ILDR1: variants seen among roughly 807,000 people sequenced by gnomAD.
The protein encoded by ILDR1 is immunoglobulin like domain containing receptor 1.
ILDR1 carries 56 observed loss-of-function variants against 62.4 expected under a neutral mutation model. The ratio of observed to expected loss-of-function variants is 0.90; its 90% confidence interval spans 0.72 to 1.12. ILDR1 has a LOEUF of 1.12. ILDR1 is among the 50% of genes most tolerant of loss of function. The pLI, the probability that ILDR1 is intolerant of heterozygous loss-of-function variation, is 0.00. For missense variants in ILDR1, 736 were observed against 710.6 expected (o/e 1.04, Z -0.41); for synonymous variants, 284 against 277.8 (o/e 1.02, Z -0.22).
chr3:122,059,408 G>A, the ILDR1 span, among the ~76,000 whole-genome samples: 10 of 151,736 alleles, frequency 6.6e-5, no homozygotes, highest in African/African-American at 2.2e-4. Flanking sequence ...AAATCAAGTG[G>A]GCCTGTAGTC....
At chr3:122,019,493 A>G (rs2071826932) in intron 1 of ILDR1, among the ~76,000 whole-genome samples, 1 of 152,184 alleles carries the variant, frequency 6.6e-6, no homozygotes, top group African/African-American at 2.4e-5. Flanking sequence ...AGGAAGCTTG[A>G]TCTTCAGTTT....
chr3:122,038,611 G>T, the ILDR1 span, among the ~76,000 whole-genome samples: 4 of 152,150 alleles, frequency 2.6e-5, no homozygotes, highest in Admixed American at 2.0e-4. Context: ...ACACAAAATG[G>T]CAAGAAATAA....
chr3:122,015,918 T>C (rs1474345650), intron 1 of ILDR1, among the ~76,000 whole-genome samples: 1 of 152,152 alleles, frequency 6.6e-6, no homozygotes, highest in Non-Finnish European at 1.5e-5. Context: ...ATGCTCTGGT[T>C]CCCCCTGCTA....
chr3:122,051,373 G>C, the ILDR1 span, among the ~76,000 whole-genome samples: 1 of 152,014 alleles, frequency 6.6e-6, no homozygotes, highest in East Asian at 1.9e-4. Context: ...ACTTGTAATT[G>C]AATTGCTGAT....
chr3:122,050,551 C>T, the ILDR1 span, among the ~76,000 whole-genome samples: 1 of 148,042 alleles, frequency 6.8e-6, no homozygotes, highest in Non-Finnish European at 1.5e-5. Flanking sequence ...TACTTCCCCC[C>T]CCCCACAGTT....
the ILDR1 span, among the ~76,000 whole-genome samples, chr3:122,053,724 C>G: frequency 6.6e-6 from 1 of 152,072 alleles, no homozygotes; most frequent in African/African-American, 2.4e-5. Context: ...TATTTAATGA[C>G]TACTAAAAAG....
At position 122,005,413 on chromosome 3, in the gene ILDR1, T is replaced by G. The variant is rs1258054368; in HGVS notation, c.230-20A>C. On this transcript the variant is annotated intron_variant, in intron 2 of 7. Transcript: ENST00000344209. ...GGTATGCTGAGGAGAGAGGGCACAC[T>G]AGAGTCACACAGCAATAGGGGGTTC... 1 of 1,613,908 alleles carries G rather than the reference T, an allele frequency of 6.2e-7. No homozygotes were observed.
At chr3:122,049,922 C>G in the ILDR1 span, among the ~76,000 whole-genome samples, 1 of 152,194 alleles carries the variant, frequency 6.6e-6, no homozygotes, top group Non-Finnish European at 1.5e-5. Context: ...AGCAAGAAAG[C>G]CTTCACAAGA....
At chr3:122,028,066 G>GC in the ILDR1 span, among the ~76,000 whole-genome samples, 2 of 151,834 alleles carry the variant, frequency 1.3e-5, no homozygotes, top group Non-Finnish European at 2.9e-5. Context: ...GGTGGCTCAC[G>GC]CCTGTAATCC....
chr3:121,993,340 G>A lies in ILDR1; in HGVS notation c.1409C>T (p.Pro470Leu). 6.2e-7 allele frequency: 1 copy of A among 1,610,586 alleles called. No individual in the cohort carries two copies. The highest frequency in any genetic ancestry group is 1.3e-5 in the African/African-American group (1 of 74,994). ...GGAACTGAGGCCGGAGGGCAAGGGA[G>A]GAGAGTAGCTGCGGTGCCTGCGTCG... ...GRRRRHRSYS[P>L]PLPSGLSSWS... The change falls in exon 7 of 8, where the codon CCT becomes CTT. Residue 470 changes from proline (P) to leucine (L), a missense_variant. Coordinates refer to ENST00000344209, the MANE Select transcript of ILDR1 (RefSeq NM_001199799.2).
At chr3:122,005,205 C>A (rs1041773412) in intron 3 of ILDR1, 39 bp downstream of exon 3, 2 of 1,260,894 alleles carry the variant, frequency 1.6e-6, no homozygotes, top group South Asian at 1.2e-5. Context: ...CTGCACCTCC[C>A]CCCACCCCCA....
At chr3:122,036,708 G>C in the ILDR1 span, among the ~76,000 whole-genome samples, 1 of 152,274 alleles carries the variant, frequency 6.6e-6, no homozygotes, top group Admixed American at 6.5e-5. Flanking sequence ...GCAGGAATTT[G>C]CATAAGTAAA....
chr3:122,021,272 C>A (rs578018501), intron 1 of ILDR1, among the ~76,000 whole-genome samples: 1 of 152,320 alleles, frequency 6.6e-6, no homozygotes, highest in South Asian at 2.1e-4. Flanking sequence ...GCTGAAAGAG[C>A]CTGCCCATTC....
chr3:122,001,892 A>C, intron 3 of ILDR1, 28 bp from the exon 4 acceptor site: 1 of 1,612,314 alleles, frequency 6.2e-7, no homozygotes, highest in South Asian at 1.1e-5. Context: ...AGAAAGTGCC[A>C]GTGTCAGAGG....
chr3:122,010,944 T>A (rs1337991599), intron 1 of ILDR1, among the ~76,000 whole-genome samples: 3 of 152,216 alleles, frequency 2.0e-5, no homozygotes, highest in Non-Finnish European at 4.4e-5. Context: ...TTTAAGGGAC[T>A]TGTCTGTGGT....
chr3:122,007,448 A>T (rs935650829), intron 1 of ILDR1: 4 of 497,090 alleles, frequency 8.0e-6, no homozygotes, highest in African/African-American at 7.8e-5. Flanking sequence ...TAAGGATTGT[A>T]TCAAAATAAA....
At chr3:122,045,090 T>C in the ILDR1 span, among the ~76,000 whole-genome samples, 1 of 152,144 alleles carries the variant, frequency 6.6e-6, no homozygotes, top group Non-Finnish European at 1.5e-5. Flanking sequence ...CTGCTTTAAA[T>C]GCATCCCAGA....
the ILDR1 span, among the ~76,000 whole-genome samples, chr3:122,035,186 G>T: frequency 6.6e-6 from 1 of 152,108 alleles, no homozygotes; most frequent in East Asian, 1.9e-4. Context: ...TAGGCATAAA[G>T]GAAACAAAAA....
the ILDR1 span, among the ~76,000 whole-genome samples, chr3:122,054,919 T>C: frequency 6.6e-6 from 1 of 152,114 alleles, no homozygotes; most frequent in South Asian, 2.1e-4. Flanking sequence ...ATGCAGTCCT[T>C]ACAGAACATC....
Sources: allele counts gnomAD v4.1 joint callset (sites outside exome capture counted in the v4.1 genomes callset), GRCh38; gene constraint gnomAD v4.1.1; transcripts MANE v1.5; gene names NCBI Gene and HGNC (gene_info 2026-07-23, HGNC 2026-07-21).